The following CPNE8 variants were observed in gnomAD, a reference collection of about 807,000 sequenced individuals.
CPNE8 encodes the protein copine-8.
A neutral mutation model predicts 81.5 loss-of-function variants in CPNE8; 45 were observed. That is an observed-to-expected ratio of 0.55 (90% CI 0.44 to 0.71). The LOEUF is 0.71. Ranked by LOEUF, CPNE8 falls within the 30% of genes least tolerant of loss-of-function variation. The pLI, the probability that CPNE8 is intolerant of heterozygous loss-of-function variation, is 0.00. For missense variants in CPNE8, 594 were observed against 672.1 expected, an observed-to-expected ratio of 0.88 and a Z score of 1.28; for synonymous variants, 252 against 226.3, an observed-to-expected ratio of 1.11 and a Z score of -1.02.
intron 14 of CPNE8, among the ~76,000 whole-genome samples, chr12:38,700,454 G>A (rs1939912846): frequency 6.6e-6 from 1 of 151,760 alleles, no homozygotes; most frequent in South Asian, 2.1e-4. Context: ...GCCCAGGCTG[G>A]TCTCAAGCAA....
At chr12:38,661,665 A>G (rs1938955978) in intron 19 of CPNE8, among the ~76,000 whole-genome samples, 1 of 152,144 alleles carries the variant, frequency 6.6e-6, no homozygotes, top group Non-Finnish European at 1.5e-5. Context: ...CAAGGCCAGA[A>G]CTACCCTGAT....
intron 1 of CPNE8, among the ~76,000 whole-genome samples, chr12:38,886,510 A>C (rs959482097): frequency 6.6e-6 from 1 of 152,226 alleles, no homozygotes; most frequent in African/African-American, 2.4e-5. Flanking sequence ...TTCATTCGAA[A>C]ATATTCATTC....
chr12:38,665,290 TA>T (rs1351083202), intron 19 of CPNE8, among the ~76,000 whole-genome samples: 3 of 152,316 alleles, frequency 2.0e-5, no homozygotes, highest in African/African-American at 7.2e-5. Context: ...GACCACATGG[TA>T]ATTTAGACCC....
chr12:38,670,765 G>A lies in CPNE8; in HGVS notation c.1470C>T (p.Ser490=). The part of the protein sequence containing the change: ...VELDGDDVRV[S]SRGKYAERDI... ...CTCTTTCAGCATATTTTCCTCTAGA[G>A]GAGACTCTTACATCATCTCCATCCA... The change falls in exon 19 of 20, where the codon TCC becomes TCT. Residue 490 remains serine (S), a synonymous_variant. Coordinates refer to ENST00000331366, the MANE Select transcript of CPNE8 (RefSeq NM_153634.3). The A allele has an allele frequency of 6.2e-7, 1 of 1,609,800 alleles. No homozygotes were observed. Among genetic ancestry groups the A allele is most frequent in the Non-Finnish European group, 8.5e-7 (1 of 1,177,616 alleles).
intron 6 of CPNE8, among the ~76,000 whole-genome samples, chr12:38,786,656 T>G (rs966187870): frequency 1.3e-5 from 2 of 152,022 alleles, no homozygotes. Flanking sequence ...CAATATCCCA[T>G]GCAAATGGAA....
At chr12:38,788,203 A>C (rs1226169901) in intron 6 of CPNE8, among the ~76,000 whole-genome samples, 1 of 151,992 alleles carries the variant, frequency 6.6e-6, no homozygotes, top group Non-Finnish European at 1.5e-5. Flanking sequence ...TATTGATTCA[A>C]AAAACCTTAA....
At chr12:38,776,411 T>C in intron 6 of CPNE8, 110 bp from the exon 7 acceptor site, 1 of 295,170 alleles carries the variant, frequency 3.4e-6, no homozygotes, top group Non-Finnish European at 6.1e-6. Flanking sequence ...GAGCATATAA[T>C]AATAACATGG....
intron 8 of CPNE8, among the ~76,000 whole-genome samples, chr12:38,763,556 A>G (rs537383483): frequency 6.6e-6 from 1 of 152,320 alleles, no homozygotes; most frequent in Admixed American, 6.5e-5. Context: ...AGAATTCCTA[A>G]GGGAAGAAAG....
At chr12:38,717,223 A>G (rs1427195032) in intron 13 of CPNE8, among the ~76,000 whole-genome samples, 1 of 151,856 alleles carries the variant, frequency 6.6e-6, no homozygotes, top group African/African-American at 2.4e-5. Context: ...TATGGAAAAC[A>G]GTATGGAGAT....
chr12:38,670,605 T>C, intron 19 of CPNE8, 124 bp downstream of exon 19: 1 of 609,220 alleles, frequency 1.6e-6, no homozygotes, highest in Non-Finnish European at 2.8e-6. Context: ...ATTTAGTTTT[T>C]GTTGAGACTA....
chr12:38,715,694 T>C (rs965091532), intron 13 of CPNE8, among the ~76,000 whole-genome samples: 4 of 152,054 alleles, frequency 2.6e-5, no homozygotes, highest in Admixed American at 1.3e-4. Context: ...GCATACTGAA[T>C]GGAGAAAAGT....
chr12:38,889,134 A>G (rs1944275522), intron 1 of CPNE8, among the ~76,000 whole-genome samples: 1 of 152,222 alleles, frequency 6.6e-6, no homozygotes, highest in African/African-American at 2.4e-5. Flanking sequence ...AGTGCCAGAT[A>G]AAGGATTTAG....
At chr12:38,757,508 T>C (rs1040013447) in intron 10 of CPNE8, among the ~76,000 whole-genome samples, 5 of 151,996 alleles carry the variant, frequency 3.3e-5, no homozygotes, top group African/African-American at 9.7e-5. Flanking sequence ...TTATGTATTA[T>C]ATTTTATTGG....
intron 6 of CPNE8, among the ~76,000 whole-genome samples, chr12:38,811,218 T>A (rs190761432): frequency 1.3e-5 from 2 of 150,608 alleles, no homozygotes; most frequent in African/African-American, 2.4e-5. Flanking sequence ...ATTGCGTATA[T>A]AAAAAAAAAC....
chr12:38,790,659 A>G (rs1942299123), intron 6 of CPNE8, among the ~76,000 whole-genome samples: 1 of 151,776 alleles, frequency 6.6e-6, no homozygotes, highest in Non-Finnish European at 1.5e-5. Context: ...CATATTTTCC[A>G]TGATGTGATT....
chr12:38,839,136 G>A (rs1203296147), intron 5 of CPNE8, among the ~76,000 whole-genome samples: 1 of 152,102 alleles, frequency 6.6e-6, no homozygotes, highest in Non-Finnish European at 1.5e-5. Flanking sequence ...CTTTCAGAAT[G>A]CTGTTTTCAC....
At chr12:38,674,334 G>A (rs1386830722) in intron 18 of CPNE8, among the ~76,000 whole-genome samples, 1 of 152,146 alleles carries the variant, frequency 6.6e-6, no homozygotes, top group Non-Finnish European at 1.5e-5. Context: ...ATGCCTAAAG[G>A]TGGACTTCCA....
intron 10 of CPNE8, among the ~76,000 whole-genome samples, chr12:38,731,367 A>G (rs557138648): frequency 6.6e-6 from 1 of 152,066 alleles, no homozygotes; most frequent in African/African-American, 2.4e-5. Context: ...GGACCTTGCA[A>G]TCAGTAACAA....
At chr12:38,768,945 C>A (rs899023634) in intron 7 of CPNE8, among the ~76,000 whole-genome samples, 1 of 152,112 alleles carries the variant, frequency 6.6e-6, no homozygotes, top group Non-Finnish European at 1.5e-5. Flanking sequence ...AAAGCATTCC[C>A]TTATTCATCA....
Sources: gnomAD v4.1 joint callset for allele counts (sites outside exome capture counted in the v4.1 genomes callset) on GRCh38, gnomAD v4.1.1 for gene constraint, MANE v1.5 for transcripts, NCBI Gene and HGNC (gene_info 2026-07-23, HGNC 2026-07-21) for gene names.